VGLL3: variants seen among roughly 807,000 people sequenced by gnomAD.
VGLL3 encodes vestigial like family member 3.
VGLL3 carries 18 observed loss-of-function variants against 29.2 expected under a neutral mutation model. That is an observed-to-expected ratio of 0.62 (90% confidence interval 0.43 to 0.91). The LOEUF (loss-of-function observed/expected upper bound fraction) is 0.91, where lower values mean the gene tolerates loss of function less well. Ranked by LOEUF, VGLL3 falls within the 40% of genes least tolerant of loss-of-function variation. VGLL3 has a pLI of 0.00. For missense variants in VGLL3, 440 were observed against 413.2 expected (o/e 1.06, Z -0.56); for synonymous variants, 180 against 151.8 (o/e 1.19, Z -1.36).
intron 3 of VGLL3, among the ~76,000 whole-genome samples, chr3:86,952,377 A>G (rs56405334): frequency 0.03 from 4,561 of 152,326 alleles, 114 homozygotes; most frequent in South Asian, 0.057. Flanking sequence ...AACATGCTCT[A>G]CTTCTGAGAA....
chr3:86,966,771 GTGTATATATATATATATATATATATATA>G lies in VGLL3; in HGVS notation c.937+1791_937+1818del, dbSNP rs1398157309. On this transcript the variant is annotated intron_variant, in intron 3 of 3. Coordinates refer to ENST00000398399, the MANE Select transcript of VGLL3 (RefSeq NM_016206.4). Reference sequence around the variant, plus strand: ...AAGAACTTAAAGTAATAGTGTGTGTGTGTATATATATATATATATATATATATATATATATATATATATATATATATAT... The same window carrying G: ...AAGAACTTAAAGTAATAGTGTGTGTGTATATATATATATATATATATATAT... 5.5e-4 allele frequency among the ~76,000 whole-genome samples: 38 copies of G among 69,538 alleles called. 1 individual carries two copies. Among genetic ancestry groups the G allele is most frequent in the African/African-American group, 6.9e-4 (13 of 18,910 alleles). The allele number at this position is 69,538 out of a possible 152,430, so 45.6% of individuals were successfully genotyped here.
intron 2 of VGLL3, among the ~76,000 whole-genome samples, chr3:86,969,894 T>C (rs977024404): frequency 1.3e-5 from 2 of 152,026 alleles, no homozygotes; most frequent in Admixed American, 6.6e-5. Flanking sequence ...AAAATCCCAG[T>C]AGAGAAGAAG....
In VGLL3 at chr3:86,938,758, C is replaced by CTGA. The variant is rs1262882516; in HGVS notation, c.*8263_*8265dup. ...TCCATAACAGTTTTCCACTGCTTAA[C>CTGA]TGATAGCAGATGGAGTGATTCAATC... is the stretch of plus-strand genomic sequence containing the variant. On this transcript the variant is annotated 3_prime_UTR_variant, in exon 4 of 4. Transcript: ENST00000398399. 3.3e-5 allele frequency: 5 copies of CTGA among 152,588 alleles called. No homozygotes were observed. Among genetic ancestry groups the CTGA allele is most frequent in the African/African-American group, 1.2e-4 (5 of 41,454 alleles). The allele number at this position is 152,588 out of a possible 1,614,324, so 9.5% of individuals were successfully genotyped here.
At chr3:86,968,157 T>C (rs1251112260) in intron 3 of VGLL3, among the ~76,000 whole-genome samples, 1 of 152,172 alleles carries the variant, frequency 6.6e-6, no homozygotes, top group Non-Finnish European at 1.5e-5. Context: ...ATAGACTATA[T>C]TTCAGAAACC....
At chr3:86,974,209 C>A (rs756911710) in intron 2 of VGLL3, among the ~76,000 whole-genome samples, 1 of 151,874 alleles carries the variant, frequency 6.6e-6, no homozygotes, top group African/African-American at 2.4e-5. Flanking sequence ...CCTCCACCTC[C>A]CGGGTTCAAG....
chr3:86,987,053 T>G (rs187925333), intron 1 of VGLL3, among the ~76,000 whole-genome samples: 80 of 152,120 alleles, frequency 5.3e-4, no homozygotes, highest in African/African-American at 1.9e-3. Context: ...TTTAAAAAGC[T>G]TTAGGAAATT....
At chr3:86,947,094 A>G (rs756405648) in intron 3 of VGLL3, 27 bp from the exon 4 acceptor site, 2 of 780,268 alleles carry the variant, frequency 2.6e-6, no homozygotes, top group Admixed American at 3.4e-5. Context: ...TGGGGAAAAA[A>G]TAAAGAACAT....
At chr3:86,982,873 T>A (rs1386039795) in intron 1 of VGLL3, among the ~76,000 whole-genome samples, 3 of 152,014 alleles carry the variant, frequency 2.0e-5, no homozygotes, top group African/African-American at 2.4e-5. Flanking sequence ...GACTCTGGAG[T>A]AAGATGAAAC....
At chr3:86,971,320 G>T (rs1705096294) in intron 2 of VGLL3, among the ~76,000 whole-genome samples, 1 of 152,142 alleles carries the variant, frequency 6.6e-6, no homozygotes, top group Non-Finnish European at 1.5e-5. Context: ...CAGCAGCACT[G>T]CAAGCTCTTC....
chr3:86,971,001 C>T (rs1385678933), intron 2 of VGLL3, among the ~76,000 whole-genome samples: 3 of 152,096 alleles, frequency 2.0e-5, no homozygotes, highest in Non-Finnish European at 4.4e-5. Flanking sequence ...CAGAAGAAGA[C>T]ATTTTCTAAA....
intron 1 of VGLL3, among the ~76,000 whole-genome samples, chr3:86,983,803 T>C (rs1705379509): frequency 6.6e-6 from 1 of 152,228 alleles, no homozygotes; most frequent in Admixed American, 6.5e-5. Flanking sequence ...AAATCTTTTG[T>C]ATATTTCATT....
At chr3:86,971,319 T>C (rs1705096244) in intron 2 of VGLL3, among the ~76,000 whole-genome samples, 1 of 152,188 alleles carries the variant, frequency 6.6e-6, no homozygotes, top group Non-Finnish European at 1.5e-5. Context: ...GCAGCAGCAC[T>C]GCAAGCTCTT....
Position 86,938,528 on chromosome 3 carries a change from T to C in VGLL3, c.*8496A>G, listed in dbSNP as rs995754387. The C allele has an allele frequency of 2.0e-5, 3 of 152,788 alleles. No individual in the cohort carries two copies. Among genetic ancestry groups the C allele is most frequent in the Admixed American group, 2.0e-4 (3 of 15,306 alleles). The allele number at this position is 152,788 out of a possible 1,614,324, so 9.5% of individuals were successfully genotyped here. On this transcript the variant is annotated 3_prime_UTR_variant, in exon 4 of 4. Coordinates refer to ENST00000398399, the MANE Select transcript of VGLL3 (RefSeq NM_016206.4). The stretch of plus-strand genomic sequence containing the variant: ...TCCTCTGTTGCTATATTTGGCTCTC[T>C]GCAAATAGTCTCTTGTACAAGTGCA...
rs1704400812 is a variant in VGLL3 at position 86,941,689 on chromosome 3, C to A, written c.*5335G>T. 6.6e-6 allele frequency: 1 copy of A among 151,000 alleles called. No individual in the cohort carries two copies. Among genetic ancestry groups the A allele is most frequent in the Non-Finnish European group, 1.5e-5 (1 of 67,706 alleles). The allele number at this position is 151,000 out of a possible 1,614,324, so 9.4% of individuals were successfully genotyped here. A position where few individuals can be genotyped will look rare whatever the true frequency, so the allele number is the denominator to read the frequency against. The stretch of plus-strand genomic sequence containing the variant: ...TTTTTAAACAAAAAAGCACAATAGA[C>A]AATAAAAGAAATAGAAAAGTTGAGA... On this transcript the variant is annotated 3_prime_UTR_variant, in exon 4 of 4. Transcript: ENST00000398399.
chr3:86,973,777 T>C (rs1015685840), intron 2 of VGLL3, among the ~76,000 whole-genome samples: 3 of 152,172 alleles, frequency 2.0e-5, no homozygotes, highest in African/African-American at 7.2e-5. Context: ...GAGAGCTTTT[T>C]CCCATGAGAA....
chr3:86,990,423 T>C (rs1269168804), intron 1 of VGLL3, 195 bp downstream of exon 1: 1 of 981,096 alleles, frequency 1.0e-6, no homozygotes. Context: ...AGCTAGGTCA[T>C]GCCTCACCCA....
rs1704407586 is a variant in VGLL3 at position 86,941,958 on chromosome 3, T to C, written c.*5066A>G. 2 of 152,100 alleles carry C rather than the reference T, an allele frequency of 1.3e-5. No individual in the cohort carries two copies. The highest frequency in any genetic ancestry group is 4.1e-4 in the South Asian group (2 of 4,828). 9.4% of individuals were successfully genotyped at this position (152,100 alleles called of 1,614,324 possible). On this transcript the variant is annotated 3_prime_UTR_variant, in exon 4 of 4. Transcript: ENST00000398399. ...CAGAGCCATTCACTTTTTTATAGGT[T>C]ATATGTTTGTTTTCAACATTCGTTT...
In VGLL3 at chr3:86,944,700, G is replaced by A. The variant is rs906944291; in HGVS notation, c.*2324C>T. The A allele has an allele frequency of 3.3e-5, 5 of 152,304 alleles. No individual in the cohort carries two copies. Among genetic ancestry groups the A allele is most frequent in the East Asian group, 1.9e-4 (1 of 5,180 alleles). The allele number at this position is 152,304 out of a possible 1,614,324, so 9.4% of individuals were successfully genotyped here. The stretch of plus-strand genomic sequence containing the variant: ...ACACAGAGCAAAGTCTAAATTCAGG[G>A]TGAAGACATCTAATTAATGCCCTTC... On this transcript the variant is annotated 3_prime_UTR_variant, in exon 4 of 4. Transcript: ENST00000398399.
Position 86,990,926 on chromosome 3 carries a change from A to T in VGLL3, c.-183T>A. 41 of 1,098,514 alleles carry T rather than the reference A, an allele frequency of 3.7e-5. No homozygotes were observed. The highest frequency in any genetic ancestry group is 4.6e-5 in the Non-Finnish European group (41 of 900,630). 68.0% of individuals were successfully genotyped at this position (1,098,514 alleles called of 1,614,324 possible). Reference sequence around the variant, plus strand: ...GGGCGCGGGGTCGGGAGGGACTGGCAATCAGCGGGGGCCCATGCGCGGGCA... The same window carrying T: ...GGGCGCGGGGTCGGGAGGGACTGGCTATCAGCGGGGGCCCATGCGCGGGCA... On this transcript the variant is annotated 5_prime_UTR_variant, in exon 1 of 4. Coordinates refer to ENST00000398399, the MANE Select transcript of VGLL3 (RefSeq NM_016206.4).
Sources: gnomAD v4.1 joint callset for allele counts (sites outside exome capture counted in the v4.1 genomes callset) on GRCh38, gnomAD v4.1.1 for gene constraint, MANE v1.5 for transcripts, NCBI Gene and HGNC (gene_info 2026-07-23, HGNC 2026-07-21) for gene names.